Variants in PTPRQ observed in about 807,000 individuals in gnomAD.
The protein encoded by PTPRQ is protein tyrosine phosphatase receptor type Q.
PTPRQ carries 199 observed loss-of-function variants against 246.0 expected under a neutral mutation model. The ratio of observed to expected loss-of-function variants is 0.81; its 90% CI spans 0.72 to 0.91. The LOEUF (loss-of-function observed/expected upper bound fraction) is 0.91. Among genes scored for constraint, PTPRQ ranks in the 40% least tolerant of loss-of-function variants. PTPRQ has a pLI of 0.00. For synonymous variants in PTPRQ, 869 were observed against 853.2 expected (o/e 1.02, Z -0.32); for missense variants, 2,624 against 2,528.4 (o/e 1.04, Z -0.81).
chr12:80,506,829 C>G (rs551336965), intron 16 of PTPRQ, among the ~76,000 whole-genome samples, 159 bp downstream of exon 16: 1 of 152,028 alleles, frequency 6.6e-6, no homozygotes, highest in South Asian at 2.1e-4. Context: ...ATAAAAGAAG[C>G]TAGCAACATC....
chr12:80,573,846 G>A (rs1471877303), intron 25 of PTPRQ, among the ~76,000 whole-genome samples: 1 of 151,734 alleles, frequency 6.6e-6, no homozygotes, highest in East Asian at 1.9e-4. Flanking sequence ...CCATTACATC[G>A]ATTTCTGATC....
chr12:80,536,026 C>G (rs534335653), intron 19 of PTPRQ, among the ~76,000 whole-genome samples: 277 of 152,182 alleles, frequency 1.8e-3, no homozygotes, highest in African/African-American at 4.8e-3. Context: ...AGAATGGCGT[C>G]AACCCGGGAG....
chr12:80,516,468 A>G (rs952698391), intron 17 of PTPRQ, among the ~76,000 whole-genome samples: 1 of 152,226 alleles, frequency 6.6e-6, no homozygotes, highest in Non-Finnish European at 1.5e-5. Context: ...GAGATATATA[A>G]CATACAGCAC....
chr12:80,557,258 G>A (rs535635105), intron 25 of PTPRQ, among the ~76,000 whole-genome samples: 27 of 151,756 alleles, frequency 1.8e-4, no homozygotes, highest in Non-Finnish European at 3.8e-4. Flanking sequence ...CTTCAAAAAG[G>A]ATTTCTGACT....
chr12:80,642,191 G>T (rs968476283), intron 35 of PTPRQ, among the ~76,000 whole-genome samples: 3 of 152,128 alleles, frequency 2.0e-5, no homozygotes, highest in African/African-American at 7.2e-5. Flanking sequence ...CCAGTTTTCT[G>T]AGGTTGCTTC....
intron 35 of PTPRQ, among the ~76,000 whole-genome samples, chr12:80,641,638 A>G (rs539572754): frequency 1.3e-5 from 2 of 152,324 alleles, no homozygotes; most frequent in East Asian, 3.9e-4. Context: ...GACCTGCTTG[A>G]TGGGGTTCAA....
intron 6 of PTPRQ, among the ~76,000 whole-genome samples, chr12:80,468,169 A>C (rs1048444948): frequency 2.8e-4 from 42 of 152,182 alleles, no homozygotes; most frequent in African/African-American, 9.6e-4. Flanking sequence ...TATTATTTTC[A>C]TGTTATCAAT....
At chr12:80,645,333 G>A (rs1045092209) in intron 35 of PTPRQ, among the ~76,000 whole-genome samples, 1 of 151,880 alleles carries the variant, frequency 6.6e-6, no homozygotes, top group Non-Finnish European at 1.5e-5. Flanking sequence ...TTGATTATAC[G>A]TATTTAAAGC....
intron 25 of PTPRQ, among the ~76,000 whole-genome samples, chr12:80,565,545 T>C (rs1241059764): frequency 1.3e-5 from 2 of 152,206 alleles, no homozygotes; most frequent in African/African-American, 4.8e-5. Flanking sequence ...TAAGCATGTG[T>C]GTGCATGCAA....
intron 8 of PTPRQ, among the ~76,000 whole-genome samples, chr12:80,481,067 A>G (rs540549426): frequency 5.3e-4 from 80 of 152,268 alleles, no homozygotes; most frequent in African/African-American, 1.8e-3. Context: ...CAGAGACACA[A>G]CCAAAAAAGA....
chr12:80,522,775 T>G (rs1895543958), intron 17 of PTPRQ, among the ~76,000 whole-genome samples: 1 of 152,222 alleles, frequency 6.6e-6, no homozygotes, highest in Non-Finnish European at 1.5e-5. Context: ...CAGTATTTTA[T>G]TGAGGATTTT....
intron 23 of PTPRQ, among the ~76,000 whole-genome samples, chr12:80,544,117 G>A (rs1896234882): frequency 6.6e-6 from 1 of 152,074 alleles, no homozygotes; most frequent in Non-Finnish European, 1.5e-5. Context: ...CAAGGGCTCT[G>A]ACTCCAAATT....
intron 3 of PTPRQ, among the ~76,000 whole-genome samples, chr12:80,446,276 G>A (rs1034206640): frequency 9.3e-5 from 14 of 151,004 alleles, no homozygotes; most frequent in Non-Finnish European, 1.5e-4. Context: ...TTCGTTGAAG[G>A]ATTAATAGCT....
intron 3 of PTPRQ, among the ~76,000 whole-genome samples, chr12:80,445,931 C>T (rs1892540649): frequency 6.6e-6 from 1 of 151,642 alleles, no homozygotes; most frequent in Non-Finnish European, 1.5e-5. Flanking sequence ...TTATATATTA[C>T]CTATTTCATT....
intron 17 of PTPRQ, among the ~76,000 whole-genome samples, chr12:80,512,330 T>A (rs1420197574): frequency 6.6e-6 from 1 of 152,216 alleles, no homozygotes; most frequent in Non-Finnish European, 1.5e-5. Flanking sequence ...TCTAGCATAA[T>A]GCATAACACA....
At chr12:80,621,345 A>T (rs940516137) in intron 32 of PTPRQ, among the ~76,000 whole-genome samples, 2 of 151,860 alleles carry the variant, frequency 1.3e-5, no homozygotes, top group African/African-American at 4.8e-5. Context: ...CCTGAAACAG[A>T]CTCTTCATAT....
intron 18 of PTPRQ, among the ~76,000 whole-genome samples, chr12:80,534,505 C>T (rs777012687): frequency 6.6e-6 from 1 of 151,914 alleles, no homozygotes; most frequent in Non-Finnish European, 1.5e-5. Context: ...AACGAAACAA[C>T]ATAAAATGCA....
intron 25 of PTPRQ, among the ~76,000 whole-genome samples, chr12:80,575,369 T>C (rs1337152276): frequency 6.6e-6 from 1 of 152,046 alleles, no homozygotes; most frequent in Non-Finnish European, 1.5e-5. Flanking sequence ...GAGGATCTTT[T>C]GAGCCTAGGA....
At chr12:80,547,958 T>C (rs368162798) in intron 24 of PTPRQ, among the ~76,000 whole-genome samples, 2 of 152,214 alleles carry the variant, frequency 1.3e-5, no homozygotes, top group African/African-American at 2.4e-5. Context: ...AGAACCTAAC[T>C]AGAACATTGG....
Sources: allele counts gnomAD v4.1 joint callset (sites outside exome capture counted in the v4.1 genomes callset), GRCh38; gene constraint gnomAD v4.1.1; transcripts MANE v1.5; gene names NCBI Gene and HGNC (gene_info 2026-07-23, HGNC 2026-07-21).